The following KSR2 variants were observed in gnomAD, a reference collection of about 807,000 sequenced individuals.
KSR2 encodes kinase suppressor of ras 2.
A neutral mutation model predicts 107.8 loss-of-function variants in KSR2; 25 were observed. The observed-to-expected ratio is 0.23, with a 90% CI of 0.17 to 0.32. The LOEUF (loss-of-function observed/expected upper bound fraction) is 0.32, where lower values mean the gene tolerates loss of function less well. Ranked by LOEUF, KSR2 falls within the 10% of genes least tolerant of loss-of-function variation. The pLI, the probability that KSR2 is intolerant of heterozygous loss-of-function variation, is 1.00. For synonymous variants in KSR2, 480 were observed against 507.0 expected (o/e 0.95, Z 0.71); for missense variants, 887 against 1,268.9 (o/e 0.70, Z 4.57).
In KSR2 at chr12:117,820,318, G is replaced by A. The variant is rs180857426; in HGVS notation, c.472+35110C>T. On this transcript the variant is annotated intron_variant, in intron 3 of 19. Transcript: ENST00000339824. ...CTGAGGTTATTGACAGGAGGCGGGG[G>A]ATGTTCTGCCTAACGCAGATGCTGA... Among the ~76,000 whole-genome samples the A allele has an allele frequency of 5.3e-5, 8 of 152,202 alleles. No individual in the cohort carries two copies. In the East Asian group the frequency reaches 1.2e-3, roughly 22 times the overall value.
chr12:117,640,283 C>T (rs2393243), intron 5 of KSR2, among the ~76,000 whole-genome samples: 12,774 of 151,914 alleles, frequency 0.084, 568 homozygotes, highest in Middle Eastern at 0.13. Flanking sequence ...TGAAGGCTCG[C>T]TCTGTCACTC....
chr12:117,712,450 C>T (rs1377717027), intron 4 of KSR2, among the ~76,000 whole-genome samples: 1 of 152,178 alleles, frequency 6.6e-6, no homozygotes. Flanking sequence ...ACACCACTAG[C>T]CGGAGTCAGA....
intron 1 of KSR2, among the ~76,000 whole-genome samples, chr12:117,932,621 C>T (rs1895725011): frequency 6.6e-6 from 1 of 152,134 alleles, no homozygotes; most frequent in Admixed American, 6.6e-5. Context: ...ACTCAGGAGG[C>T]TGAGGTGAGA....
chr12:117,603,375 A>G (rs189273734), intron 5 of KSR2, among the ~76,000 whole-genome samples: 2 of 152,374 alleles, frequency 1.3e-5, no homozygotes, highest in African/African-American at 2.4e-5. Context: ...CAGTAGCCCT[A>G]TGCACAGAAC....
At chr12:117,649,844 TG>T (rs1883811595) in intron 5 of KSR2, among the ~76,000 whole-genome samples, 1 of 152,080 alleles carries the variant, frequency 6.6e-6, no homozygotes, top group South Asian at 2.1e-4. Context: ...AGAACTGAAA[TG>T]GTTTTCTGTA....
intron 5 of KSR2, among the ~76,000 whole-genome samples, chr12:117,600,162 G>A (rs1459365603): frequency 6.6e-6 from 1 of 152,178 alleles, no homozygotes; most frequent in Non-Finnish European, 1.5e-5. Flanking sequence ...GCCCAAAAAG[G>A]AACTCAGGGC....
At chr12:117,774,964 A>C (rs1360390418) in intron 3 of KSR2, among the ~76,000 whole-genome samples, 2 of 152,106 alleles carry the variant, frequency 1.3e-5, no homozygotes, top group African/African-American at 4.8e-5. Flanking sequence ...TAATGTTGTC[A>C]AGGTTCATCC....
In KSR2 at chr12:117,620,916, C is replaced by T. The variant is rs7966451; in HGVS notation, c.1172-38557G>A. ...ACATACATACAAAACAAAACCTAAA[C>T]ATGTAGTAAGCCCCTTCCATCTGTA... On this transcript the variant is annotated intron_variant, in intron 5 of 19. Coordinates refer to ENST00000339824, the MANE Select transcript of KSR2 (RefSeq NM_173598.6). Among the ~76,000 whole-genome samples the T allele has an allele frequency of 6.1e-3, 931 of 152,226 alleles. 6 individuals are homozygous for T. Among genetic ancestry groups the T allele is most frequent in the Non-Finnish European group, 0.01 (696 of 68,016 alleles).
intron 3 of KSR2, among the ~76,000 whole-genome samples, chr12:117,772,133 TCATA>T (rs1889486496): frequency 9.3e-6 from 1 of 108,008 alleles, no homozygotes; most frequent in Admixed American, 1.0e-4. Flanking sequence ...GCACATACAC[TCATA>T]CATACACACC....
chr12:117,453,074 G>A lies in KSR2; in HGVS notation c.*14125C>T, dbSNP rs1472711883. The A allele has an allele frequency of 6.6e-6, 1 of 152,508 alleles. No homozygotes were observed. Among genetic ancestry groups the A allele is most frequent in the Non-Finnish European group, 1.5e-5 (1 of 68,016 alleles). 9.4% of individuals were successfully genotyped at this position (152,508 alleles called of 1,614,324 possible). On this transcript the variant is annotated 3_prime_UTR_variant, in exon 20 of 20. Transcript: ENST00000339824. ...TGCAGTAATTCTCAAATTTTTTATT[G>A]GCATAAATAATTCAGACATTGGTTT...
intron 14 of KSR2, among the ~76,000 whole-genome samples, chr12:117,501,249 T>C (rs1017016094): frequency 1.3e-5 from 2 of 152,244 alleles, no homozygotes; most frequent in Non-Finnish European, 2.9e-5. Context: ...GCTGTTTTCA[T>C]GTTAAAATAG....
chr12:117,709,192 C>T (rs753351763), intron 4 of KSR2, among the ~76,000 whole-genome samples: 3 of 152,164 alleles, frequency 2.0e-5, no homozygotes, highest in Non-Finnish European at 2.9e-5. Flanking sequence ...TATTGTTCCT[C>T]TCACACCCAT....
intron 6 of KSR2, among the ~76,000 whole-genome samples, chr12:117,579,709 A>G (rs889693185): frequency 1.3e-5 from 2 of 152,182 alleles, no homozygotes; most frequent in African/African-American, 4.8e-5. Context: ...CCTGGGGAGT[A>G]TCAAAGGGAG....
chr12:117,869,698 C>T (rs893581159), intron 1 of KSR2, among the ~76,000 whole-genome samples: 1 of 152,194 alleles, frequency 6.6e-6, no homozygotes, highest in African/African-American at 2.4e-5. Flanking sequence ...AGATCTGCCT[C>T]GTTCTTTTTA....
intron 4 of KSR2, among the ~76,000 whole-genome samples, chr12:117,707,285 T>G (rs1886564976): frequency 1.3e-5 from 2 of 151,984 alleles, no homozygotes; most frequent in African/African-American, 4.8e-5. Context: ...ATATTTGAGG[T>G]TTCTTTTCGG....
At chr12:117,575,912 C>A (rs1879255069) in intron 7 of KSR2, among the ~76,000 whole-genome samples, 1 of 152,178 alleles carries the variant, frequency 6.6e-6, no homozygotes, top group Non-Finnish European at 1.5e-5. Context: ...AGACACTGAG[C>A]CCTATGATGG....
chr12:117,478,866 A>G (rs1317420194), intron 16 of KSR2, among the ~76,000 whole-genome samples: 1 of 152,258 alleles, frequency 6.6e-6, no homozygotes, highest in Non-Finnish European at 1.5e-5. Context: ...TGCATTTTTA[A>G]CTTAAATATA....
chr12:117,878,293 G>A (rs1051470011), intron 1 of KSR2, among the ~76,000 whole-genome samples: 5 of 151,474 alleles, frequency 3.3e-5, no homozygotes, highest in South Asian at 4.2e-4. Flanking sequence ...AAGCCAATCC[G>A]CCTAAATTCC....
At chr12:117,542,872 T>C (rs1876606663) in intron 9 of KSR2, among the ~76,000 whole-genome samples, 1 of 152,258 alleles carries the variant, frequency 6.6e-6, no homozygotes, top group Non-Finnish European at 1.5e-5. Flanking sequence ...TCAGATTGCC[T>C]TTTTTCACTC....
Sources: gnomAD v4.1 joint callset for allele counts (sites outside exome capture counted in the v4.1 genomes callset) on GRCh38, gnomAD v4.1.1 for gene constraint, MANE v1.5 for transcripts, NCBI Gene and HGNC (gene_info 2026-07-23, HGNC 2026-07-21) for gene names.